Variants in ARPP21 observed in about 807,000 individuals in gnomAD.
ARPP21 encodes cAMP regulated phosphoprotein 21.
Under a neutral mutation model 113.2 loss-of-function variants are expected in ARPP21, and 69 were observed. The observed-to-expected ratio is 0.61, with a 90% CI of 0.50 to 0.74. The LOEUF (loss-of-function observed/expected upper bound fraction) is 0.74, where lower values mean the gene tolerates loss of function less well. ARPP21 is among the 30% of genes least tolerant of loss of function. The pLI, the probability that ARPP21 is intolerant of heterozygous loss-of-function variation, is 0.00. For synonymous variants in ARPP21, 368 were observed against 375.5 expected (o/e 0.98, Z 0.23); for missense variants, 1,070 against 1,037.4 (o/e 1.03, Z -0.43).
At chr3:35,771,651 A>G (rs2096208272) in intron 19 of ARPP21, among the ~76,000 whole-genome samples, 1 of 152,156 alleles carries the variant, frequency 6.6e-6, no homozygotes, top group Admixed American at 6.5e-5. Flanking sequence ...TATTTTATCT[A>G]TCAACATTTA....
intron 9 of ARPP21, among the ~76,000 whole-genome samples, chr3:35,698,115 A>G (rs1293646199): frequency 6.6e-6 from 1 of 151,728 alleles, no homozygotes; most frequent in African/African-American, 2.4e-5. Context: ...GAAAACTATG[A>G]AACTTTATTT....
chr3:35,703,620 G>A (rs2087427263), intron 9 of ARPP21, among the ~76,000 whole-genome samples: 1 of 151,422 alleles, frequency 6.6e-6, no homozygotes. Flanking sequence ...TAGAAATAAT[G>A]CCATATGTAC....
At chr3:35,721,322 G>T (rs1182706380) in intron 13 of ARPP21, among the ~76,000 whole-genome samples, 1 of 152,102 alleles carries the variant, frequency 6.6e-6, no homozygotes, top group Non-Finnish European at 1.5e-5. Flanking sequence ...TACATTTTAT[G>T]ACATGTCTTT....
At chr3:35,782,530 G>A (rs896572125) in intron 19 of ARPP21, among the ~76,000 whole-genome samples, 4 of 151,924 alleles carry the variant, frequency 2.6e-5, no homozygotes, top group Non-Finnish European at 5.9e-5. Flanking sequence ...AAAACCCCAG[G>A]ACACTTTGCT....
At chr3:35,672,210 A>G (rs986529850) in intron 1 of ARPP21, among the ~76,000 whole-genome samples, 2 of 152,080 alleles carry the variant, frequency 1.3e-5, no homozygotes, top group African/African-American at 4.8e-5. Context: ...GCTTCCTAGC[A>G]AGCACCATCT....
At chr3:35,661,530 A>G (rs186248992) in intron 1 of ARPP21, among the ~76,000 whole-genome samples, 2 of 152,330 alleles carry the variant, frequency 1.3e-5, no homozygotes, top group East Asian at 3.9e-4. Flanking sequence ...TTGAACTGCT[A>G]GTATACATTC....
intron 19 of ARPP21, among the ~76,000 whole-genome samples, chr3:35,762,204 C>G (rs2095809252): frequency 1.3e-5 from 2 of 150,736 alleles, no homozygotes. Context: ...TTTATTTTGT[C>G]AAGAGTCAAT....
At chr3:35,756,587 G>A (rs2095579331) in intron 19 of ARPP21, among the ~76,000 whole-genome samples, 1 of 152,004 alleles carries the variant, frequency 6.6e-6, no homozygotes. Flanking sequence ...CCCTAATCAT[G>A]AGGAAGATGC....
chr3:35,697,797 A>G (rs1432078922), intron 9 of ARPP21, among the ~76,000 whole-genome samples: 1 of 151,672 alleles, frequency 6.6e-6, no homozygotes, highest in African/African-American at 2.4e-5. Flanking sequence ...CATTTATAAC[A>G]AAACAAAATA....
At chr3:35,675,267 G>C (rs544934785) in intron 1 of ARPP21, among the ~76,000 whole-genome samples, 12 of 151,764 alleles carry the variant, frequency 7.9e-5, no homozygotes, top group African/African-American at 2.7e-4. Context: ...TGATTTGCCT[G>C]TATGGGTTAT....
Position 35,792,402 on chromosome 3 carries a change from G to T in ARPP21, c.2158G>T (p.Gly720Cys). The T allele has an allele frequency of 1.2e-6, 2 of 1,613,956 alleles. No homozygotes were observed. The highest frequency in any genetic ancestry group is 1.7e-6 in the Non-Finnish European group (2 of 1,179,862). ...QQAGYQPVLS[G>C]QQGFQGLIGV... is the part of the protein sequence containing the mutation. Reference sequence around the variant, plus strand: ...CGCAGGTTACCAGCCAGTCTTGTCTGGTCAACAGGGATTCCAAGGCCTAAT... The same window carrying T: ...CGCAGGTTACCAGCCAGTCTTGTCTTGTCAACAGGGATTCCAAGGCCTAAT... Residue 720 changes from glycine (G) to cysteine (C), a missense_variant, in exon 20 of 21, where the codon GGT becomes TGT. Coordinates refer to ENST00000684406, the MANE Select transcript of ARPP21 (RefSeq NM_001385562.1).
chr3:35,720,454 C>T (rs2092943755), intron 13 of ARPP21, among the ~76,000 whole-genome samples: 4 of 152,166 alleles, frequency 2.6e-5, no homozygotes, highest in Admixed American at 2.0e-4. Flanking sequence ...CTCAACAGTA[C>T]ATTATTGTCT....
chr3:35,717,554 C>T lies in ARPP21; in HGVS notation c.995+197C>T, dbSNP rs2092587508. On this transcript the variant is annotated intron_variant, in intron 13 of 20. Coordinates refer to ENST00000684406, the MANE Select transcript of ARPP21 (RefSeq NM_001385562.1). ...ATATGAGACTGGAAATCTATCACTT[C>T]GTCTACAATTCGTTAGGGTTCTTCT... is the stretch of plus-strand genomic sequence containing the variant. 2.0e-5 allele frequency among the ~76,000 whole-genome samples: 3 copies of T among 152,036 alleles called. No homozygotes were observed. The South Asian group carries it at 6.2e-4, about 32-fold the overall frequency.
Position 35,743,823 on chromosome 3 carries a change from C to T in ARPP21, c.2011-16C>T, listed in dbSNP as rs753308476. 1 of 1,610,658 alleles carries T rather than the reference C, an allele frequency of 6.2e-7. No homozygotes were observed. The highest frequency in any genetic ancestry group is 2.2e-5 in the East Asian group (1 of 44,856). On this transcript the variant is annotated splice_polypyrimidine_tract_variant and intron_variant, in intron 18 of 20. Coordinates refer to ENST00000684406, the MANE Select transcript of ARPP21 (RefSeq NM_001385562.1). ...TACATTTTCATTCTCTGCTTTCTTC[C>T]TCCTTTCTTCCACAGATGCCTGTAT...
rs777768211 is a variant in ARPP21, at chr3:35,690,082, G to C, written c.487G>C (p.Asp163His). ...LINTLKNNSR[D>H]RMILLKMEQE... Reference sequence around the variant, plus strand: ...TTAAATTTAACATTTATTTTGCAGGGACAGGATGATACTTTTGAAAATGGA... The same window carrying C: ...TTAAATTTAACATTTATTTTGCAGGCACAGGATGATACTTTTGAAAATGGA... The change falls in exon 8 of 21, where the codon GAC becomes CAC. Residue 163 changes from aspartate to histidine, a missense_variant and splice_region_variant. Physicochemically the swap from Asp to His is moderately conservative, Grantham distance 81. Transcript: ENST00000684406. 4 of 1,363,930 alleles carry C rather than the reference G, an allele frequency of 2.9e-6. No individual in the cohort carries two copies. In the East Asian group the frequency reaches 6.9e-5, roughly 24 times the overall value. The allele number at this position is 1,363,930 out of a possible 1,614,324, so 84.5% of individuals were successfully genotyped here.
chr3:35,675,931 A>T (rs1455651316), intron 1 of ARPP21, among the ~76,000 whole-genome samples: 1 of 151,920 alleles, frequency 6.6e-6, no homozygotes, highest in Non-Finnish European at 1.5e-5. Flanking sequence ...TCAATATGTC[A>T]GAGGAAATTT....
intron 6 of ARPP21, among the ~76,000 whole-genome samples, chr3:35,689,003 A>G (rs187265719): frequency 2.0e-5 from 3 of 151,472 alleles, no homozygotes; most frequent in African/African-American, 7.2e-5. Context: ...GTTATTTACA[A>G]TGCAGAATGA....
intron 12 of ARPP21, among the ~76,000 whole-genome samples, chr3:35,717,028 A>G (rs947270630): frequency 6.6e-6 from 1 of 152,018 alleles, no homozygotes; most frequent in African/African-American, 2.4e-5. Context: ...AATCTCTATT[A>G]TACCTATATC....
chr3:35,792,215 T>C, intron 19 of ARPP21, 167 bp from the exon 20 acceptor site: 1 of 655,046 alleles, frequency 1.5e-6, no homozygotes, highest in Non-Finnish European at 2.7e-6. Context: ...CTCTTAGAAG[T>C]AAAAAAAAGA....
Sources: allele counts gnomAD v4.1 joint callset (sites outside exome capture counted in the v4.1 genomes callset), GRCh38; gene constraint gnomAD v4.1.1; transcripts MANE v1.5; gene names NCBI Gene and HGNC (gene_info 2026-07-23, HGNC 2026-07-21).